The following DOCK2 variants were observed in gnomAD, a reference collection of about 807,000 sequenced individuals.
DOCK2 encodes dedicator of cytokinesis 2.
Under a neutral mutation model 248.9 loss-of-function variants are expected in DOCK2, and 87 were observed. That is an observed-to-expected ratio of 0.35 (90% confidence interval 0.29 to 0.42). The LOEUF is 0.42. DOCK2 is among the 10% of genes least tolerant of loss of function. The pLI, the probability that DOCK2 is intolerant of heterozygous loss-of-function variation, is 1.00. For missense variants in DOCK2, 1,747 were observed against 2,300.2 expected, an observed-to-expected ratio of 0.76 and a Z score of 4.92; for synonymous variants, 805 against 821.6, an observed-to-expected ratio of 0.98 and a Z score of 0.35.
In DOCK2 at chr5:169,717,607, A is replaced by G. The variant is rs77451082; in HGVS notation, c.2132+123A>G. 5,295 of 841,808 alleles carry G rather than the reference A, an allele frequency of 6.3e-3. 190 individuals are homozygous for G. The African/African-American group carries it at 0.081, about 13-fold the overall frequency. The allele number at this position is 841,808 out of a possible 1,614,324, so 52.1% of individuals were successfully genotyped here. ...CATCTGTGTGAGCTCTCCATTCTCT[A>G]ACAAAATCTAACCTATGCTTGGGTT... On this transcript the variant is annotated intron_variant, in intron 21 of 51. Transcript: ENST00000520908.
chr5:169,659,259 C>G (rs11744216), intron 2 of DOCK2, among the ~76,000 whole-genome samples: 7,166 of 152,094 alleles, frequency 0.047, 213 homozygotes, highest in Non-Finnish European at 0.07. Flanking sequence ...CTAGTGGAGT[C>G]ATCTTGGGTA....
chr5:170,033,074 A>C (rs1289267684), intron 34 of DOCK2, among the ~76,000 whole-genome samples: 1 of 151,896 alleles, frequency 6.6e-6, no homozygotes, highest in African/African-American at 2.4e-5. Context: ...CTCACCTGCA[A>C]AATGGGGGAA....
chr5:169,899,988 G>T (rs1021116708), intron 27 of DOCK2, among the ~76,000 whole-genome samples: 1 of 152,090 alleles, frequency 6.6e-6, no homozygotes, highest in African/African-American at 2.4e-5. Flanking sequence ...ACTGTCCATT[G>T]TATTCACTTC....
At chr5:169,918,322 T>C (rs1013070665) in intron 27 of DOCK2, among the ~76,000 whole-genome samples, 2 of 152,246 alleles carry the variant, frequency 1.3e-5, no homozygotes, top group African/African-American at 4.8e-5. Context: ...ACTCTGCCTA[T>C]ATATAACCCA....
At chr5:170,017,082 T>A (rs1755562691) in intron 32 of DOCK2, among the ~76,000 whole-genome samples, 1 of 152,196 alleles carries the variant, frequency 6.6e-6, no homozygotes, top group African/African-American at 2.4e-5. Context: ...ATGCCTTTTT[T>A]ATTTTATTTT....
At chr5:169,710,353 G>A (rs942478526) in intron 15 of DOCK2, among the ~76,000 whole-genome samples, 16 of 152,310 alleles carry the variant, frequency 1.1e-4, no homozygotes, top group African/African-American at 3.6e-4. Context: ...CCTCTTGTGG[G>A]TGGTGCCCAG....
intron 35 of DOCK2, 90 bp from the exon 36 acceptor site, chr5:170,036,425 C>G (rs1014721969): frequency 1.5e-6 from 2 of 1,343,082 alleles, no homozygotes; most frequent in African/African-American, 2.9e-5. Flanking sequence ...TACTAGACAG[C>G]AATCTTCCTC....
chr5:169,935,867 T>C (rs944901833), intron 27 of DOCK2, among the ~76,000 whole-genome samples: 1 of 152,174 alleles, frequency 6.6e-6, no homozygotes, highest in African/African-American at 2.4e-5. Context: ...TAATTAGGAA[T>C]GGCATTTACT....
intron 22 of DOCK2, among the ~76,000 whole-genome samples, chr5:169,720,736 CAG>C (rs1762150930): frequency 6.6e-6 from 1 of 151,962 alleles, no homozygotes; most frequent in Non-Finnish European, 1.5e-5. Flanking sequence ...AATTTTGAGA[CAG>C]AGTCTTGCTC....
In DOCK2 at chr5:170,069,184, C is replaced by A; in HGVS notation, c.4692C>A (p.Asp1564Glu). 1 of 1,614,158 alleles carries A rather than the reference C, an allele frequency of 6.2e-7. No homozygotes were observed. The highest frequency in any genetic ancestry group is 8.5e-7 in the Non-Finnish European group (1 of 1,180,000). Residue 1564 changes from aspartate to glutamate, a missense_variant, in exon 46 of 52, where the codon GAC becomes GAA. Asp to Glu is a conservative substitution (Grantham distance 45). Around this residue, in one of 4 missense-constraint regions of DOCK2, gnomAD observed 513 missense variants for 586.1 expected, o/e 0.88. Transcript: ENST00000520908. The stretch of plus-strand genomic sequence containing the variant: ...TCAGGGACCACCCTGAGGACCAGGA[C>A]AAGCTGACCCACCTCAAGGACCTGA... ...EYVRDHPEDQ[D>E]KLTHLKDLIA... is the part of the protein sequence containing the mutation.
At chr5:169,916,278 A>G (rs1774871263) in intron 27 of DOCK2, among the ~76,000 whole-genome samples, 1 of 152,228 alleles carries the variant, frequency 6.6e-6, no homozygotes, top group South Asian at 2.1e-4. Context: ...TGTTTGTCCA[A>G]CAGGAGCCTG....
At chr5:169,788,356 A>G (rs1365160362) in intron 25 of DOCK2, among the ~76,000 whole-genome samples, 1 of 150,558 alleles carries the variant, frequency 6.6e-6, no homozygotes, top group Non-Finnish European at 1.5e-5. Context: ...TATTTTTTTT[A>G]TGTTTCACAA....
At chr5:169,835,759 AT>A (rs1259312022) in intron 26 of DOCK2, among the ~76,000 whole-genome samples, 60 of 146,114 alleles carry the variant, frequency 4.1e-4, no homozygotes, top group African/African-American at 1.0e-3. Flanking sequence ...GGGGGTTTGG[AT>A]TTTTTTTTTT....
chr5:169,852,306 TC>T (rs1226381362), intron 27 of DOCK2, among the ~76,000 whole-genome samples: 1 of 152,202 alleles, frequency 6.6e-6, no homozygotes, highest in Non-Finnish European at 1.5e-5. Context: ...TTGTCCTATT[TC>T]CTGGCAGTGG....
In DOCK2 at chr5:169,925,678, C is replaced by T. The variant is rs1323388999; in HGVS notation, c.2800-57390C>T. 2.0e-5 allele frequency among the ~76,000 whole-genome samples: 3 copies of T among 148,452 alleles called. No individual in the cohort carries two copies. The Admixed American group carries it at 2.0e-4, about 10-fold the overall frequency. On this transcript the variant is annotated intron_variant, in intron 27 of 51. Transcript: ENST00000520908. Reference sequence around the variant, plus strand: ...TGTGACCTGTGGGACTTCTGTAGTTCAGTTTCTTCATCTGTAGAACGGAGT... The same window carrying T: ...TGTGACCTGTGGGACTTCTGTAGTTTAGTTTCTTCATCTGTAGAACGGAGT...
Position 169,654,452 on chromosome 5 carries a change from C to G in DOCK2, c.93C>G (p.Ile31Met), listed in dbSNP as rs370494583. 8 of 1,614,038 alleles carry G rather than the reference C, an allele frequency of 5.0e-6. No homozygotes were observed. The highest frequency in any genetic ancestry group is 1.3e-5 in the African/African-American group (1 of 74,932). Residue 31 changes from isoleucine to methionine, a missense_variant, in exon 2 of 52, where the codon ATC becomes ATG. Physicochemically the swap from Ile to Met is conservative, Grantham distance 10. Coordinates refer to ENST00000520908, the MANE Select transcript of DOCK2 (RefSeq NM_004946.3). ...GSGAPQLSLQ[I>M]GDVVRIQETC... is the part of the protein sequence containing the mutation. Reference sequence around the variant, plus strand: ...GAGCCCCCCAGCTCTCCCTGCAGATCGGCGATGTGGTGCGAATACAGGAGA... The same window carrying G: ...GAGCCCCCCAGCTCTCCCTGCAGATGGGCGATGTGGTGCGAATACAGGAGA...
In DOCK2 at chr5:169,844,637, C is replaced by T. The variant is rs144516489; in HGVS notation, c.2799+3785C>T. 1.3e-5 allele frequency among the ~76,000 whole-genome samples: 2 copies of T among 152,252 alleles called. 1 individual carries two copies. Among genetic ancestry groups the T allele is most frequent in the Non-Finnish European group, 2.9e-5 (2 of 68,030 alleles). On this transcript the variant is annotated intron_variant, in intron 27 of 51. Transcript: ENST00000520908. ...CCCACCAAGTCTTATTATTGTCAGC[C>T]CTTTGGATTATAACTGTCCTAGTGG...
At chr5:169,969,827 G>A (rs1285861797) in intron 27 of DOCK2, among the ~76,000 whole-genome samples, 3 of 152,256 alleles carry the variant, frequency 2.0e-5, no homozygotes, top group Non-Finnish European at 4.4e-5. Flanking sequence ...GAAAGGGCCT[G>A]CTCTCTTCAG....
intron 25 of DOCK2, among the ~76,000 whole-genome samples, chr5:169,794,924 A>G (rs552735964): frequency 2.6e-5 from 4 of 152,328 alleles, no homozygotes; most frequent in African/African-American, 9.6e-5. Context: ...CTCTGTCTCA[A>G]ACAAACACAC....
Sources: gnomAD v4.1 joint callset for allele counts (sites outside exome capture counted in the v4.1 genomes callset) on GRCh38, gnomAD v4.1.1 for gene constraint, gnomAD v4.1.1 regional missense constraint, MANE v1.5 for transcripts, NCBI Gene and HGNC (gene_info 2026-07-23, HGNC 2026-07-21) for gene names.